The following RBFOX1 variants were observed in gnomAD, a reference collection of about 807,000 sequenced individuals.
RBFOX1 encodes the protein RNA binding fox-1 homolog 1, also known as RNA binding protein fox-1 homolog 1.
RBFOX1 carries 8 observed loss-of-function variants against 57.7 expected under a neutral mutation model. That is an observed-to-expected ratio of 0.14 (90% confidence interval 0.08 to 0.25). The LOEUF (loss-of-function observed/expected upper bound fraction) is 0.25, where lower values mean the gene tolerates loss of function less well. Among genes scored for constraint, RBFOX1 ranks in the 10% least tolerant of loss-of-function variants. The pLI, the probability that RBFOX1 is intolerant of heterozygous loss-of-function variation, is 1.00. For missense variants in RBFOX1, 611 were observed against 548.5 expected (o/e 1.11, Z -1.14); for synonymous variants, 326 against 222.4 (o/e 1.47, Z -4.15).
chr16:6,387,718 G>C (rs1345403120), intron 2 of RBFOX1, among the ~76,000 whole-genome samples: 4 of 152,002 alleles, frequency 2.6e-5, no homozygotes, highest in African/African-American at 7.2e-5. Flanking sequence ...AGGGTGTATA[G>C]TGGGCACCTG....
chr16:7,609,870 T>C (rs1229036967), intron 10 of RBFOX1, among the ~76,000 whole-genome samples: 2 of 152,124 alleles, frequency 1.3e-5, no homozygotes, highest in South Asian at 2.1e-4. Context: ...CAGGCTGGAG[T>C]GCAGTGGCGC....
Position 6,312,190 on chromosome 16 carries a change from T to C in RBFOX1, c.-126-4805T>C, listed in dbSNP as rs532748952. Among the ~76,000 whole-genome samples the C allele has an allele frequency of 2.6e-5, 4 of 152,264 alleles. No individual in the cohort carries two copies. The East Asian group carries it at 7.8e-4, about 30-fold the overall frequency. The stretch of plus-strand genomic sequence containing the variant: ...AACTCACTCAATAAATGGGCATGTT[T>C]CTTACACAGCACAGGAGCACAGAAG... On this transcript the variant is annotated intron_variant, in intron 1 of 15. Coordinates refer to ENST00000550418, the MANE Select transcript of RBFOX1 (RefSeq NM_018723.4).
At chr16:7,063,216 A>G (rs1173554096) in intron 4 of RBFOX1, among the ~76,000 whole-genome samples, 1 of 152,076 alleles carries the variant, frequency 6.6e-6, no homozygotes, top group African/African-American at 2.4e-5. Flanking sequence ...TCAGTCATCA[A>G]GAGCAGGTAG....
At chr16:5,754,344 C>G (rs2053322850) in intron 3 of RBFOX1, among the ~76,000 whole-genome samples, 1 of 152,088 alleles carries the variant, frequency 6.6e-6, no homozygotes, top group South Asian at 2.1e-4. Flanking sequence ...TTCATGTTCG[C>G]TCCTATTGTT....
intron 2 of RBFOX1, among the ~76,000 whole-genome samples, chr16:6,323,623 A>G (rs1417396527): frequency 1.3e-5 from 2 of 152,190 alleles, no homozygotes; most frequent in Admixed American, 6.5e-5. Context: ...TCAGTCTTTG[A>G]AAGATTAAGG....
At chr16:6,423,287 C>T (rs763704434) in intron 2 of RBFOX1, among the ~76,000 whole-genome samples, 1 of 152,168 alleles carries the variant, frequency 6.6e-6, no homozygotes, top group African/African-American at 2.4e-5. Context: ...ATAAATCTTG[C>T]CATGATCCCT....
intron 3 of RBFOX1, chr16:5,616,267 C>A (rs2048021476): frequency 6.6e-6 from 1 of 152,390 alleles, no homozygotes; most frequent in Non-Finnish European, 1.5e-5. Context: ...GGCTGGAAAC[C>A]TGGGAAGGAA....
At chr16:6,748,320 C>T (rs890456242) in intron 3 of RBFOX1, among the ~76,000 whole-genome samples, 6 of 151,910 alleles carry the variant, frequency 3.9e-5, no homozygotes, top group Non-Finnish European at 7.4e-5. Flanking sequence ...CACATATATA[C>T]GTACACATAC....
intron 1 of RBFOX1, among the ~76,000 whole-genome samples, chr16:5,428,834 C>G (rs542682878): frequency 7.9e-5 from 12 of 152,072 alleles, no homozygotes; most frequent in Admixed American, 1.3e-4. Context: ...GAGTTGGGGA[C>G]CAAGTGCTCA....
At chr16:5,832,376 C>G (rs540170992) in intron 3 of RBFOX1, among the ~76,000 whole-genome samples, 26 of 152,188 alleles carry the variant, frequency 1.7e-4, no homozygotes, top group Admixed American at 6.5e-5. Context: ...ATGGGGCATG[C>G]CCAGAAAGGG....
intron 3 of RBFOX1, among the ~76,000 whole-genome samples, chr16:6,951,132 C>A (rs56206434): frequency 0.2 from 30,580 of 152,000 alleles, 3,285 homozygotes; most frequent in South Asian, 0.26. Flanking sequence ...GTCTTAAACT[C>A]CTGGACTCAA....
intron 2 of RBFOX1, among the ~76,000 whole-genome samples, chr16:6,512,808 C>G (rs1410723893): frequency 6.6e-6 from 1 of 152,136 alleles, no homozygotes; most frequent in African/African-American, 2.4e-5. Flanking sequence ...TTAGCCACAG[C>G]CAAGCCTAAG....
intron 1 of RBFOX1, among the ~76,000 whole-genome samples, chr16:6,284,709 G>C (rs1045142799): frequency 2.6e-5 from 4 of 152,110 alleles, no homozygotes; most frequent in African/African-American, 9.7e-5. Context: ...TCACGGTGCA[G>C]AATACCCCTG....
At chr16:6,014,017 A>G (rs1196646001) in intron 4 of RBFOX1, among the ~76,000 whole-genome samples, 1 of 152,094 alleles carries the variant, frequency 6.6e-6, no homozygotes, top group Non-Finnish European at 1.5e-5. Context: ...ATGTTAAATG[A>G]CGAGTTAATG....
At chr16:6,593,873 A>T (rs1466267915) in intron 2 of RBFOX1, among the ~76,000 whole-genome samples, 2 of 152,188 alleles carry the variant, frequency 1.3e-5, no homozygotes, top group Non-Finnish European at 2.9e-5. Flanking sequence ...AATTTAGGAA[A>T]GATGTTTAAA....
At position 7,205,251 on chromosome 16, in the gene RBFOX1, C is replaced by G. The variant is rs935325081; in HGVS notation, c.27+153153C>G. Among the ~76,000 whole-genome samples the G allele has an allele frequency of 2.6e-5, 4 of 152,090 alleles. No individual in the cohort carries two copies. In the East Asian group the frequency reaches 7.7e-4, roughly 29 times the overall value. ...TATGGAAATGGGCGGGGCGTGGCGGCTCACACCTGTAATCCCAGTGCTTAG... is the reference window on the plus strand; with the variant it reads ...TATGGAAATGGGCGGGGCGTGGCGGGTCACACCTGTAATCCCAGTGCTTAG... On this transcript the variant is annotated intron_variant, in intron 4 of 15. Transcript: ENST00000550418.
In RBFOX1 at chr16:5,248,376, T is replaced by C. The variant is rs182546256; in HGVS notation, c.219+8271T>C. Among the ~76,000 whole-genome samples the C allele has an allele frequency of 9.1e-4, 139 of 152,372 alleles. 1 individual carries two copies. Among genetic ancestry groups the C allele is most frequent in the African/African-American group, 3.2e-3 (134 of 41,590 alleles). ...CAGCCTTCCTTGCAGGCAACTGCAC[T>C]GAGGTGACAGTCCTCCTGACTGCCA... On this transcript the variant is annotated intron_variant, in intron 1 of 2. Coordinates refer to the RBFOX1 transcript ENST00000585867.
At chr16:6,848,319 C>A (rs1426379675) in intron 3 of RBFOX1, among the ~76,000 whole-genome samples, 1 of 152,120 alleles carries the variant, frequency 6.6e-6, no homozygotes, top group Non-Finnish European at 1.5e-5. Context: ...TTTCTCATTT[C>A]TCCAGAGAAG....
intron 3 of RBFOX1, among the ~76,000 whole-genome samples, chr16:5,654,590 C>G: frequency 6.6e-6 from 1 of 152,152 alleles, no homozygotes; most frequent in Admixed American, 6.5e-5. Flanking sequence ...GTGAAAACAC[C>G]CTGTTCGTTT....
Sources: gnomAD v4.1 joint callset for allele counts (sites outside exome capture counted in the v4.1 genomes callset) on GRCh38, gnomAD v4.1.1 for gene constraint, MANE v1.5 for transcripts, NCBI Gene and HGNC (gene_info 2026-07-23, HGNC 2026-07-21) for gene names.